Variants in PDZRN4 observed in about 807,000 individuals in gnomAD.
The protein encoded by PDZRN4 is PDZ domain-containing RING finger protein 4.
A neutral mutation model predicts 99.0 loss-of-function variants in PDZRN4; 70 were observed. That is an observed-to-expected ratio of 0.71 (90% CI 0.58 to 0.86). PDZRN4 has a LOEUF of 0.86. PDZRN4 is among the 40% of genes least tolerant of loss of function. The pLI, the probability that PDZRN4 is intolerant of heterozygous loss-of-function variation, is 0.00. For synonymous variants in PDZRN4, 551 were observed against 501.6 expected (o/e 1.10, Z -1.32); for missense variants, 1,474 against 1,331.2 (o/e 1.11, Z -1.67).
At chr12:41,198,251 A>C (rs1192566071) in intron 3 of PDZRN4, among the ~76,000 whole-genome samples, 1 of 151,978 alleles carries the variant, frequency 6.6e-6, no homozygotes, top group Non-Finnish European at 1.5e-5. Flanking sequence ...GATAGCAGGC[A>C]ATGCAACCAT....
chr12:41,322,179 G>A (rs1047500950), intron 3 of PDZRN4, among the ~76,000 whole-genome samples: 2 of 151,762 alleles, frequency 1.3e-5, no homozygotes, highest in Non-Finnish European at 2.9e-5. Flanking sequence ...CTACAGGAAC[G>A]TGCCACCACA....
Position 41,478,828 on chromosome 12 carries a change from T to C in PDZRN4, c.844-27628T>C, listed in dbSNP as rs551467922. On this transcript the variant is annotated intron_variant, in intron 3 of 9. Transcript: ENST00000402685. ...ATCCAGGGAGTTCTCCTAGGAAAAA[T>C]TGATGAAGCTATGCTAATGTTTGAT... Among the ~76,000 whole-genome samples the C allele has an allele frequency of 9.9e-5, 15 of 152,104 alleles. No individual in the cohort carries two copies. The South Asian group carries it at 1.7e-3, about 17-fold the overall frequency.
chr12:41,365,493 G>A (rs940052420), intron 3 of PDZRN4, among the ~76,000 whole-genome samples: 95 of 151,972 alleles, frequency 6.3e-4, no homozygotes, highest in Admixed American at 6.1e-3. Flanking sequence ...TTCTTAATTT[G>A]ATGACCCTCT....
chr12:41,404,681 G>T (rs1417725119), intron 3 of PDZRN4, among the ~76,000 whole-genome samples: 1 of 150,842 alleles, frequency 6.6e-6, no homozygotes, highest in East Asian at 1.9e-4. Flanking sequence ...ATACCGAACT[G>T]AAAAAGAGCA....
chr12:41,539,295 G>C (rs1258602047), intron 5 of PDZRN4, among the ~76,000 whole-genome samples: 1 of 151,608 alleles, frequency 6.6e-6, no homozygotes, highest in Non-Finnish European at 1.5e-5. Context: ...TTTAAAATGG[G>C]AATAAAACAC....
chr12:41,337,094 A>G (rs527840702), intron 3 of PDZRN4, among the ~76,000 whole-genome samples: 3 of 152,048 alleles, frequency 2.0e-5, no homozygotes, highest in Non-Finnish European at 4.4e-5. Context: ...GGCTGTTATC[A>G]ATTTTGTTTC....
intron 3 of PDZRN4, among the ~76,000 whole-genome samples, chr12:41,407,418 G>A (rs898522398): frequency 6.6e-6 from 1 of 152,116 alleles, no homozygotes; most frequent in Non-Finnish European, 1.5e-5. Context: ...GGCAACCCTG[G>A]CTGGATAACC....
At chr12:41,293,458 C>G (rs903224624) in intron 3 of PDZRN4, among the ~76,000 whole-genome samples, 4 of 151,794 alleles carry the variant, frequency 2.6e-5, no homozygotes, top group African/African-American at 9.7e-5. Context: ...GAGTCATCAC[C>G]TAAATAGCCA....
chr12:41,562,676 G>T (rs1227494662), intron 7 of PDZRN4, among the ~76,000 whole-genome samples: 1 of 151,796 alleles, frequency 6.6e-6, no homozygotes, highest in Non-Finnish European at 1.5e-5. Flanking sequence ...AAATATATTT[G>T]CACATGAAAA....
chr12:41,217,906 A>G (rs578232646), intron 3 of PDZRN4, among the ~76,000 whole-genome samples: 4 of 152,180 alleles, frequency 2.6e-5, no homozygotes, highest in African/African-American at 7.2e-5. Context: ...AAGATACCAC[A>G]TGATTCATAT....
chr12:41,242,054 A>G lies in PDZRN4; in HGVS notation c.843+47866A>G, dbSNP rs1951104934. Among the ~76,000 whole-genome samples, 4 of 152,152 alleles carry G rather than the reference A, an allele frequency of 2.6e-5. 1 individual carries two copies. The South Asian group carries it at 8.3e-4, about 32-fold the overall frequency. On this transcript the variant is annotated intron_variant, in intron 3 of 9. Transcript: ENST00000402685. ...AGATCTGCCTGCTCATGTTGTTGGC[A>G]GGAGGCAGCAAGCAAGTGGGTCTAG... is the stretch of plus-strand genomic sequence containing the variant.
At chr12:41,568,012 T>A (rs944479742) in intron 9 of PDZRN4, 113 bp downstream of exon 9, 4 of 632,810 alleles carry the variant, frequency 6.3e-6, no homozygotes, top group Non-Finnish European at 8.4e-6. Context: ...ATCATCTCTA[T>A]CATGGTAATT....
At chr12:41,367,154 C>T (rs1952006817) in intron 3 of PDZRN4, among the ~76,000 whole-genome samples, 1 of 152,082 alleles carries the variant, frequency 6.6e-6, no homozygotes, top group African/African-American at 2.4e-5. Flanking sequence ...ACTTACAAGG[C>T]CTGAAATAGG....
intron 3 of PDZRN4, among the ~76,000 whole-genome samples, chr12:41,204,132 C>G (rs1950833690): frequency 6.6e-6 from 1 of 152,002 alleles, no homozygotes; most frequent in African/African-American, 2.4e-5. Flanking sequence ...TCATCATCAT[C>G]TCATATCAAG....
At chr12:41,441,436 A>G (rs535739958) in intron 3 of PDZRN4, among the ~76,000 whole-genome samples, 1 of 152,180 alleles carries the variant, frequency 6.6e-6, no homozygotes, top group Non-Finnish European at 1.5e-5. Context: ...TCTGTGAATT[A>G]GTAACATAAA....
rs914062385 is a variant in PDZRN4, at chr12:41,388,076, G to A, written c.844-118380G>A. Among the ~76,000 whole-genome samples the A allele has an allele frequency of 5.3e-4, 80 of 152,154 alleles. 2 individuals are homozygous for A. The highest frequency in any genetic ancestry group is 5.9e-5 in the Non-Finnish European group (4 of 68,016). On this transcript the variant is annotated intron_variant, in intron 3 of 9. Transcript: ENST00000402685. ...AGAAAATGTGGCACATATACACCAT[G>A]GAATATTATGCAGTCATAAAAGAAT... is the stretch of plus-strand genomic sequence containing the variant.
intron 3 of PDZRN4, among the ~76,000 whole-genome samples, chr12:41,467,932 T>C (rs1283771793): frequency 2.6e-5 from 4 of 152,260 alleles, no homozygotes; most frequent in East Asian, 3.8e-4. Context: ...AAATTACTTA[T>C]TGCATTCCTG....
In PDZRN4 at chr12:41,506,743, G is replaced by T. The variant is rs866360436; in HGVS notation, c.1100+31G>T. The stretch of plus-strand genomic sequence containing the variant: ...TTTCTATCATTTCTTCCAAAGCCCT[G>T]TTTGTTTCCATTTGTCACGTAAAGC... On this transcript the variant is annotated intron_variant, in intron 4 of 9. Transcript: ENST00000402685. 3 of 1,575,576 alleles carry T rather than the reference G, an allele frequency of 1.9e-6. No homozygotes were observed. The South Asian group carries it at 3.5e-5, about 19-fold the overall frequency.
intron 3 of PDZRN4, among the ~76,000 whole-genome samples, chr12:41,329,598 T>A (rs1206248504): frequency 6.6e-6 from 1 of 152,070 alleles, no homozygotes; most frequent in Non-Finnish European, 1.5e-5. Context: ...TTGGTGTGAG[T>A]GTATGTGTAG....
Sources: gnomAD v4.1 joint callset for allele counts (sites outside exome capture counted in the v4.1 genomes callset) on GRCh38, gnomAD v4.1.1 for gene constraint, MANE v1.5 for transcripts, NCBI Gene and HGNC (gene_info 2026-07-23, HGNC 2026-07-21) for gene names.